OSBPL10: variants seen among roughly 807,000 people sequenced by gnomAD.
OSBPL10 encodes the protein oxysterol binding protein like 10, also known as oxysterol-binding protein-related protein 10.
A neutral mutation model predicts 81.7 loss-of-function variants in OSBPL10; 49 were observed. The ratio of observed to expected loss-of-function variants is 0.60; its 90% CI spans 0.48 to 0.76. The LOEUF (loss-of-function observed/expected upper bound fraction) is 0.76, where lower values mean the gene tolerates loss of function less well. Among genes scored for constraint, OSBPL10 ranks in the 30% least tolerant of loss-of-function variants. The pLI is 0.00. For synonymous variants in OSBPL10, 419 were observed against 383.6 expected (o/e 1.09, Z -1.08); for missense variants, 923 against 987.8 (o/e 0.93, Z 0.88).
intron 7 of OSBPL10, chr3:31,700,610 T>C (rs977953935): frequency 2.6e-5 from 4 of 152,234 alleles, no homozygotes; most frequent in African/African-American, 7.2e-5. Flanking sequence ...TCTTTAGAAA[T>C]GGTGGCCTGA....
At chr3:31,710,380 C>G (rs1006401352) in intron 6 of OSBPL10, among the ~76,000 whole-genome samples, 2 of 152,188 alleles carry the variant, frequency 1.3e-5, no homozygotes, top group African/African-American at 4.8e-5. Context: ...TGCTAACACT[C>G]CTGCATCTTC....
In OSBPL10 at chr3:31,812,712, C is replaced by CAAA. The variant is rs563030191; in HGVS notation, c.729+17325_729+17327dup. 6.7e-4 allele frequency among the ~76,000 whole-genome samples: 23 copies of CAAA among 34,214 alleles called. 6 individuals are homozygous for CAAA. The highest frequency in any genetic ancestry group is 6.5e-3 in the Admixed American group (13 of 2,002). 22.4% of individuals were successfully genotyped at this position (34,214 alleles called of 152,430 possible). The stretch of plus-strand genomic sequence containing the variant: ...TATGCTGGAATCTCTACACAGTAGG[C>CAAA]AAAAAAAAAGAAAGAAAGAAAGAAA... On this transcript the variant is annotated intron_variant, in intron 4 of 11. Transcript: ENST00000396556.
At chr3:31,663,838 G>T in intron 11 of OSBPL10, 1 of 1,411,968 alleles carries the variant, frequency 7.1e-7, no homozygotes, top group South Asian at 1.5e-5. Context: ...CTGACATAGG[G>T]ATACTGGAGG....
Position 32,061,769 on chromosome 3 carries a change from G to A in OSBPL10, n.186-15166C>T, listed in dbSNP as rs887088260. Among the ~76,000 whole-genome samples, 16 of 90,918 alleles carry A rather than the reference G, an allele frequency of 1.8e-4. 2 individuals carry two copies. The East Asian group carries it at 1.8e-3, about 10-fold the overall frequency. 59.6% of individuals were successfully genotyped at this position (90,918 alleles called of 152,430 possible). A position where few individuals can be genotyped will look rare whatever the true frequency, so the allele number is the denominator to read the frequency against. On this transcript the variant is annotated intron_variant and non_coding_transcript_variant, in intron 1 of 3. Coordinates refer to the OSBPL10 transcript ENST00000479173. Reference sequence around the variant, plus strand: ...TCCTCCCACCTCAGCCTCCTAAGTAGCTGGGACTACAGGCTTGTGCCACCA... The same window carrying A: ...TCCTCCCACCTCAGCCTCCTAAGTAACTGGGACTACAGGCTTGTGCCACCA...
At chr3:31,944,336 TA>T (rs1006071973) in intron 1 of OSBPL10, among the ~76,000 whole-genome samples, 3 of 152,296 alleles carry the variant, frequency 2.0e-5, no homozygotes, top group Non-Finnish European at 4.4e-5. Flanking sequence ...TATATAATCA[TA>T]AAATATAAAA....
intron 2 of OSBPL10, among the ~76,000 whole-genome samples, chr3:32,021,490 C>T (rs536395297): frequency 9.2e-5 from 14 of 152,308 alleles, no homozygotes; most frequent in African/African-American, 4.8e-5. Context: ...CACTCCCTTA[C>T]GCTCATGAAT....
At chr3:31,771,578 AG>A (rs1290372594) in intron 4 of OSBPL10, among the ~76,000 whole-genome samples, 4 of 152,170 alleles carry the variant, frequency 2.6e-5, no homozygotes, top group Non-Finnish European at 5.9e-5. Flanking sequence ...TGGGGTATAA[AG>A]GAACTCCCCA....
intron 1 of OSBPL10, among the ~76,000 whole-genome samples, chr3:31,962,532 A>G (rs945523663): frequency 6.7e-6 from 1 of 149,866 alleles, no homozygotes. Flanking sequence ...ATGAAACACT[A>G]TTTTTTTTTT....
chr3:32,060,643 C>T lies in OSBPL10; in HGVS notation n.186-14040G>A, dbSNP rs969622891. Among the ~76,000 whole-genome samples, 21 of 36,164 alleles carry T rather than the reference C, an allele frequency of 5.8e-4. 4 individuals carry two copies. Among genetic ancestry groups the T allele is most frequent in the African/African-American group, 9.7e-4 (21 of 21,568 alleles). 23.7% of individuals were successfully genotyped at this position (36,164 alleles called of 152,430 possible). On this transcript the variant is annotated intron_variant and non_coding_transcript_variant, in intron 1 of 3. Coordinates refer to the OSBPL10 transcript ENST00000479173. ...CAAACAGGCAAATTTGATTGTGTTG[C>T]TCCCCAGCTTTTAAAAAAACCCACT...
intron 4 of OSBPL10, among the ~76,000 whole-genome samples, chr3:31,783,839 T>A (rs1253901702): frequency 6.3e-5 from 6 of 95,428 alleles, no homozygotes; most frequent in Non-Finnish European, 9.7e-5. Context: ...TATATATATA[T>A]ATATATATAT....
chr3:32,028,797 A>C (rs1699439026), intron 2 of OSBPL10, among the ~76,000 whole-genome samples: 3 of 151,916 alleles, frequency 2.0e-5, no homozygotes, highest in Admixed American at 2.0e-4. Context: ...GAAATAATTG[A>C]TGGAAGGTAG....
chr3:31,674,425 T>C (rs1240738516), intron 8 of OSBPL10, among the ~76,000 whole-genome samples: 3 of 151,972 alleles, frequency 2.0e-5, no homozygotes, highest in Non-Finnish European at 2.9e-5. Flanking sequence ...CTGTGCATGG[T>C]GGTGAGCACC....
At chr3:32,044,772 A>C (rs1699608216) in intron 2 of OSBPL10, among the ~76,000 whole-genome samples, 1 of 151,042 alleles carries the variant, frequency 6.6e-6, no homozygotes, top group East Asian at 1.9e-4. Context: ...AAAGATTCTG[A>C]ATCCTAAATA....
At chr3:31,770,896 G>A (rs992300050) in intron 4 of OSBPL10, among the ~76,000 whole-genome samples, 4 of 152,256 alleles carry the variant, frequency 2.6e-5, no homozygotes, top group East Asian at 3.9e-4. Context: ...TTTACTGGTC[G>A]AGGGAGCACC....
At chr3:31,725,964 G>T (rs924621874) in intron 6 of OSBPL10, among the ~76,000 whole-genome samples, 1 of 152,208 alleles carries the variant, frequency 6.6e-6, no homozygotes, top group African/African-American at 2.4e-5. Context: ...TCTATGAGAT[G>T]AAACTGCCAG....
intron 1 of OSBPL10, among the ~76,000 whole-genome samples, chr3:31,894,110 G>A (rs151170412): frequency 6.6e-6 from 1 of 152,290 alleles, no homozygotes; most frequent in Non-Finnish European, 1.5e-5. Flanking sequence ...GATTTGATGA[G>A]GCAGGAATTC....
At position 31,661,463 on chromosome 3, in the gene OSBPL10, T is replaced by C. The variant is rs1271573474; in HGVS notation, c.*609A>G. 2 of 152,244 alleles carry C rather than the reference T, an allele frequency of 1.3e-5. No individual in the cohort carries two copies. The highest frequency in any genetic ancestry group is 4.8e-5 in the African/African-American group (2 of 41,468). The allele number at this position is 152,244 out of a possible 1,614,324, so 9.4% of individuals were successfully genotyped here. On this transcript the variant is annotated 3_prime_UTR_variant, in exon 12 of 12. Coordinates refer to ENST00000396556, the MANE Select transcript of OSBPL10 (RefSeq NM_017784.5). The stretch of plus-strand genomic sequence containing the variant: ...CCTGCAAGGCTCTGGCATAAATCTT[T>C]AACAGCTTCCTGCCAACCCCCATCC...
At chr3:31,723,655 T>A (rs1289639125) in intron 6 of OSBPL10, among the ~76,000 whole-genome samples, 1 of 152,012 alleles carries the variant, frequency 6.6e-6, no homozygotes, top group African/African-American at 2.4e-5. Context: ...AGTAAGCCCC[T>A]GCAATGCATA....
Position 31,961,785 on chromosome 3 carries a change from AAATT to A in OSBPL10, c.281+19110_281+19113del, listed in dbSNP as rs554936441. ...TAGTGTATAATTATAATCTTTACAG[AAATT>A]AATTAATGTACACCAGCAGATGTTC... On this transcript the variant is annotated intron_variant, in intron 1 of 11. Coordinates refer to ENST00000396556, the MANE Select transcript of OSBPL10 (RefSeq NM_017784.5). Among the ~76,000 whole-genome samples the A allele has an allele frequency of 3.6e-3, 543 of 152,240 alleles. 1 individual carries two copies. The highest frequency in any genetic ancestry group is 6.6e-3 in the South Asian group (32 of 4,822).
Sources: allele counts gnomAD v4.1 joint callset (sites outside exome capture counted in the v4.1 genomes callset), GRCh38; gene constraint gnomAD v4.1.1; transcripts MANE v1.5; gene names NCBI Gene and HGNC (gene_info 2026-07-23, HGNC 2026-07-21).